Variants in CCDC7 observed in about 807,000 individuals in gnomAD.
CCDC7 encodes coiled-coil domain-containing protein 7.
Under a neutral mutation model 196.9 loss-of-function variants are expected in CCDC7, and 183 were observed. The observed-to-expected ratio is 0.93, with a 90% confidence interval of 0.82 to 1.05. CCDC7 has a LOEUF of 1.05. Among genes scored for constraint, CCDC7 ranks in the 50% least tolerant of loss-of-function variants. The pLI is 0.00. For synonymous variants in CCDC7, 525 were observed against 484.6 expected, an observed-to-expected ratio of 1.08 and a Z score of -1.10; for missense variants, 1,540 against 1,482.2, an observed-to-expected ratio of 1.04 and a Z score of -0.64.
chr10:32,850,953 A>C (rs2093542394), intron 39 of CCDC7, among the ~76,000 whole-genome samples: 1 of 152,144 alleles, frequency 6.6e-6, no homozygotes, highest in African/African-American at 2.4e-5. Flanking sequence ...TTCACCCTTC[A>C]ATAGCATTAT....
chr10:32,536,665 ACT>A (rs765353998), intron 11 of CCDC7, among the ~76,000 whole-genome samples: 6 of 151,252 alleles, frequency 4.0e-5, no homozygotes, highest in Non-Finnish European at 5.9e-5. Context: ...TCCTCCTACC[ACT>A]CTCCACTCTC....
intron 21 of CCDC7, among the ~76,000 whole-genome samples, chr10:32,679,298 G>T (rs1012100741): frequency 9.2e-5 from 14 of 152,102 alleles, no homozygotes; most frequent in Admixed American, 6.6e-4. Flanking sequence ...CCTCTGACCT[G>T]TGGCAGTGTC....
chr10:32,661,438 G>A (rs2071418226), intron 20 of CCDC7, among the ~76,000 whole-genome samples: 1 of 152,120 alleles, frequency 6.6e-6, no homozygotes, highest in South Asian at 2.1e-4. Context: ...TTTTTCTTAA[G>A]CAGAGGGAGT....
At chr10:32,736,662 A>AT (rs148939080) in intron 28 of CCDC7, among the ~76,000 whole-genome samples, 127 of 151,546 alleles carry the variant, frequency 8.4e-4, no homozygotes, top group African/African-American at 2.6e-3. Flanking sequence ...TAATTACCTC[A>AT]TTTTTTTGGT....
chr10:32,825,991 T>C (rs975492942), intron 32 of CCDC7, among the ~76,000 whole-genome samples: 2 of 152,154 alleles, frequency 1.3e-5, no homozygotes, highest in African/African-American at 4.8e-5. Flanking sequence ...TCCCCAGTAG[T>C]GACAACATCC....
chr10:32,789,875 C>A (rs1465297048), intron 29 of CCDC7, among the ~76,000 whole-genome samples: 1 of 152,128 alleles, frequency 6.6e-6, no homozygotes, highest in Non-Finnish European at 1.5e-5. Context: ...CCCAAAGTGA[C>A]AAAATAGGTA....
At chr10:32,665,451 A>T (rs2072454936) in intron 21 of CCDC7, among the ~76,000 whole-genome samples, 1 of 152,034 alleles carries the variant, frequency 6.6e-6, no homozygotes, top group African/African-American at 2.4e-5. Context: ...TCCTAAATTT[A>T]TGTGTCCTTA....
At chr10:32,528,880 A>T (rs903924364) in intron 11 of CCDC7, among the ~76,000 whole-genome samples, 7 of 151,616 alleles carry the variant, frequency 4.6e-5, no homozygotes, top group African/African-American at 1.7e-4. Context: ...GTTGCAAATT[A>T]TGCTGCTATA....
At chr10:32,866,599 A>T (rs1437051269) in intron 41 of CCDC7, among the ~76,000 whole-genome samples, 1 of 151,642 alleles carries the variant, frequency 6.6e-6, no homozygotes, top group Non-Finnish European at 1.5e-5. Flanking sequence ...TGCTCATATG[A>T]AATTAAAAGA....
At chr10:32,786,008 AG>A (rs2081809068) in intron 29 of CCDC7, among the ~76,000 whole-genome samples, 1 of 152,204 alleles carries the variant, frequency 6.6e-6, no homozygotes, top group Non-Finnish European at 1.5e-5. Context: ...GCTCAATGCA[AG>A]CCTAGCTAAG....
intron 9 of CCDC7, among the ~76,000 whole-genome samples, chr10:32,503,493 A>T (rs1360416450): frequency 6.6e-6 from 1 of 152,178 alleles, no homozygotes; most frequent in African/African-American, 2.4e-5. Context: ...CCACTTGATC[A>T]TGGTGAATGA....
At chr10:32,785,485 G>T (rs2081709100) in intron 29 of CCDC7, among the ~76,000 whole-genome samples, 1 of 152,058 alleles carries the variant, frequency 6.6e-6, no homozygotes, top group Non-Finnish European at 1.5e-5. Flanking sequence ...AAATTTAAAG[G>T]TTGCATATGA....
chr10:32,699,041 G>A, intron 24 of CCDC7, among the ~76,000 whole-genome samples: 1 of 151,762 alleles, frequency 6.6e-6, no homozygotes, highest in Non-Finnish European at 1.5e-5. Flanking sequence ...GAGAGTGGGG[G>A]CCAGTATTAA....
At chr10:32,864,075 A>G (rs2094116827) in intron 41 of CCDC7, among the ~76,000 whole-genome samples, 1 of 151,896 alleles carries the variant, frequency 6.6e-6, no homozygotes, top group Admixed American at 6.6e-5. Context: ...TCAACAGCAC[A>G]AAAACAAATA....
chr10:32,541,063 AT>A (rs2136100771), intron 11 of CCDC7, among the ~76,000 whole-genome samples: 1 of 135,516 alleles, frequency 7.4e-6, no homozygotes, highest in South Asian at 2.4e-4. Context: ...TTTTTTTTTC[AT>A]TCTTTTTTCT....
In CCDC7 at chr10:32,734,966, A is replaced by G. The variant is rs540920451; in HGVS notation, c.2905+5509A>G. ...AAATAAAATAAATTTTAAAAAATGC[A>G]TTTTGTTTTAATGTTTATCTGATAT... On this transcript the variant is annotated intron_variant, in intron 28 of 41. Coordinates refer to ENST00000639629, the Ensembl canonical transcript of CCDC7. Among the ~76,000 whole-genome samples, 10 of 152,200 alleles carry G rather than the reference A, an allele frequency of 6.6e-5. No homozygotes were observed. The South Asian group carries it at 2.1e-3, about 32-fold the overall frequency.
intron 7 of CCDC7, 59 bp from the exon 9 acceptor site, chr10:32,473,908 C>A: frequency 1.4e-6 from 2 of 1,464,252 alleles, no homozygotes; most frequent in South Asian, 1.4e-5. Flanking sequence ...AATTTAAACT[C>A]AATTAGTATA....
intron 25 of CCDC7, among the ~76,000 whole-genome samples, chr10:32,725,625 C>A (rs2083008666): frequency 6.6e-6 from 1 of 152,012 alleles, no homozygotes; most frequent in Non-Finnish European, 1.5e-5. Flanking sequence ...AGATATGGTA[C>A]CAACATCTGT....
chr10:32,638,659 G>A (rs1406161009), intron 20 of CCDC7, among the ~76,000 whole-genome samples: 3 of 152,094 alleles, frequency 2.0e-5, no homozygotes, highest in East Asian at 3.8e-4. Context: ...TTTTTGCATT[G>A]ATGTTCATCA....
Sources: allele counts gnomAD v4.1 joint callset (sites outside exome capture counted in the v4.1 genomes callset), GRCh38; gene constraint gnomAD v4.1.1; transcripts MANE v1.5; gene names NCBI Gene and HGNC (gene_info 2026-07-23, HGNC 2026-07-21).